Variants in UPP2 observed in about 807,000 individuals in gnomAD.
The protein encoded by UPP2 is UPase 2.
In UPP2, 23 loss-of-function variants were observed where a neutral mutation model predicts 26.7. The observed-to-expected ratio is 0.86, with a 90% CI of 0.62 to 1.22. The LOEUF (loss-of-function observed/expected upper bound fraction) is 1.22, where lower values mean the gene tolerates loss of function less well. UPP2 is among the 50% of genes most tolerant of loss of function. The pLI is 0.00. For synonymous variants in UPP2, 127 were observed against 141.3 expected (o/e 0.90, Z 0.72); for missense variants, 387 against 396.7 (o/e 0.98, Z 0.21).
At chr2:158,104,874 T>C (rs1014456333) in intron 1 of UPP2, among the ~76,000 whole-genome samples, 8 of 146,248 alleles carry the variant, frequency 5.5e-5, no homozygotes, top group African/African-American at 2.0e-4. Flanking sequence ...TGAGCTGAGA[T>C]TGGGCCACTG....
At chr2:158,108,584 C>G (rs906269361) in intron 2 of UPP2, among the ~76,000 whole-genome samples, 2 of 151,554 alleles carry the variant, frequency 1.3e-5, no homozygotes, top group Non-Finnish European at 2.9e-5. Flanking sequence ...GTATGTATCT[C>G]TCTCACACAC....
In UPP2 at chr2:158,034,019, G is replaced by C. The variant is rs13392641; in HGVS notation, c.147+18133G>C. ...GGGGCAACACAGACCCGGTCAAGCA[G>C]CATCTCCTGGCTCTGGCAACCCAGA... On this transcript the variant is annotated intron_variant, in intron 3 of 9. Transcript: ENST00000605860. 9.4e-3 allele frequency among the ~76,000 whole-genome samples: 1,429 copies of C among 152,270 alleles called. 30 individuals carry two copies. The highest frequency in any genetic ancestry group is 0.033 in the African/African-American group (1,360 of 41,538).
intron 6 of UPP2, chr2:158,127,980 T>A: frequency 1.0e-6 from 1 of 985,330 alleles, no homozygotes; most frequent in Non-Finnish European, 1.2e-6. Flanking sequence ...TCTACTTTAA[T>A]TAAGCCCCAA....
In UPP2 at chr2:158,064,466, T is replaced by C. The variant is rs1399285620; in HGVS notation, c.148-37574T>C. On this transcript the variant is annotated intron_variant, in intron 3 of 9. Transcript: ENST00000605860. ...TTTTTTTTTTCTTGTAAATTTAAGT[T>C]CTTTGTAGATTGTGGATATTAACCC... Among the ~76,000 whole-genome samples, 4 of 151,970 alleles carry C rather than the reference T, an allele frequency of 2.6e-5. No homozygotes were observed. The East Asian group carries it at 7.7e-4, about 29-fold the overall frequency.
intron 3 of UPP2, among the ~76,000 whole-genome samples, chr2:158,076,667 C>T (rs1009579545): frequency 6.6e-6 from 1 of 151,898 alleles, no homozygotes; most frequent in Non-Finnish European, 1.5e-5. Context: ...GAGAAACATA[C>T]CTCAACACAA....
intron 3 of UPP2, among the ~76,000 whole-genome samples, chr2:158,069,335 G>T (rs78515789): frequency 0.026 from 3,916 of 152,304 alleles, 168 homozygotes; most frequent in African/African-American, 0.089. Flanking sequence ...ACAAGGTTAA[G>T]CTATGCTAGT....
At chr2:158,030,701 G>A (rs754029572) in intron 3 of UPP2, among the ~76,000 whole-genome samples, 7 of 152,144 alleles carry the variant, frequency 4.6e-5, no homozygotes, top group Non-Finnish European at 1.0e-4. Context: ...AATATGAGAA[G>A]ATCCTACAGC....
intron 2 of UPP2, among the ~76,000 whole-genome samples, chr2:158,001,582 A>G (rs1035046463): frequency 2.6e-5 from 4 of 152,186 alleles, no homozygotes; most frequent in African/African-American, 4.8e-5. Context: ...TACTTGGGGC[A>G]CAGAGAAGAG....
intron 3 of UPP2, among the ~76,000 whole-genome samples, chr2:158,086,063 T>C (rs188737760): frequency 1.3e-5 from 2 of 152,238 alleles, no homozygotes; most frequent in East Asian, 3.9e-4. Context: ...TGTGGAATAG[T>C]GTCAACAGGA....
intron 3 of UPP2, chr2:158,065,997 G>T (rs1454796212): frequency 1.3e-5 from 5 of 386,622 alleles, no homozygotes; most frequent in Admixed American, 3.7e-5. Context: ...ATTTGGAGAA[G>T]TATCATCCTT....
chr2:158,124,364 G>T (rs1431044306), intron 6 of UPP2, among the ~76,000 whole-genome samples: 2 of 152,194 alleles, frequency 1.3e-5, no homozygotes, highest in Non-Finnish European at 2.9e-5. Context: ...CATTCAAGGA[G>T]AATTGGAGGA....
chr2:158,066,001 C>T (rs1458006696), intron 3 of UPP2: 1 of 382,682 alleles, frequency 2.6e-6, no homozygotes, highest in Non-Finnish European at 4.8e-6. Flanking sequence ...GGAGAAGTAT[C>T]ATCCTTAAAG....
At chr2:158,044,150 G>A (rs1163976285) in intron 3 of UPP2, among the ~76,000 whole-genome samples, 1 of 152,152 alleles carries the variant, frequency 6.6e-6, no homozygotes, top group Non-Finnish European at 1.5e-5. Context: ...GAGGAAGCTT[G>A]GAAAAATGGG....
chr2:158,094,725 G>C (rs1574287117), intron 3 of UPP2, among the ~76,000 whole-genome samples: 2 of 152,132 alleles, frequency 1.3e-5, no homozygotes, highest in African/African-American at 4.8e-5. Flanking sequence ...CCTCCACAAT[G>C]TATTAGCATT....
chr2:158,074,238 C>G (rs1264852004), intron 3 of UPP2, among the ~76,000 whole-genome samples: 2 of 152,096 alleles, frequency 1.3e-5, no homozygotes, highest in Non-Finnish European at 2.9e-5. Flanking sequence ...AGATAGAAAA[C>G]TCACTGGTAA....
chr2:158,001,957 CAAAAAAAAAAAAAAAA>C (rs200818827), intron 2 of UPP2, among the ~76,000 whole-genome samples: 1 of 65,486 alleles, frequency 1.5e-5, no homozygotes. Flanking sequence ...GAATGAGCAC[CAAAAAAAAAAAAAAAA>C]AAAAAAAAAG....
chr2:158,045,971 C>A (rs915539056), intron 3 of UPP2, among the ~76,000 whole-genome samples: 1 of 152,168 alleles, frequency 6.6e-6, no homozygotes, highest in Non-Finnish European at 1.5e-5. Flanking sequence ...ATTTGGGCCT[C>A]TTTCCCCTCA....
chr2:158,098,174 G>A (rs1209215373), upstream of UPP2, among the ~76,000 whole-genome samples: 1 of 152,094 alleles, frequency 6.6e-6, no homozygotes, highest in African/African-American at 2.4e-5. Flanking sequence ...TACAAAGAGG[G>A]TCTCCTCTTT....
intron 3 of UPP2, among the ~76,000 whole-genome samples, chr2:158,054,144 G>A (rs569477139): frequency 1.5e-4 from 23 of 152,286 alleles, no homozygotes; most frequent in East Asian, 1.2e-3. Context: ...AGTGGCACAC[G>A]TCTGTAGTTT....
Sources: gnomAD v4.1 joint callset for allele counts (sites outside exome capture counted in the v4.1 genomes callset) on GRCh38, gnomAD v4.1.1 for gene constraint, MANE v1.5 for transcripts, NCBI Gene and HGNC (gene_info 2026-07-23, HGNC 2026-07-21) for gene names.